Variants in FN1 observed in about 807,000 individuals in gnomAD.
The protein encoded by FN1 is fibronectin 1.
FN1 carries 106 observed loss-of-function variants against 297.3 expected under a neutral mutation model. The ratio of observed to expected loss-of-function variants is 0.36; its 90% CI spans 0.30 to 0.42. FN1 has a LOEUF of 0.42. Among genes scored for constraint, FN1 ranks in the 10% least tolerant of loss-of-function variants. The probability of loss-of-function intolerance (pLI) is 1.00; values close to 1 mark genes in which losing one functional copy is unlikely to be tolerated. For synonymous variants in FN1, 1,149 were observed against 1,152.6 expected (o/e 1.00, Z 0.06); for missense variants, 2,690 against 3,124.9 (o/e 0.86, Z 3.32).
At chr2:215,404,705 C>A in intron 19 of FN1, 50 bp from the exon 20 acceptor site, 1 of 1,539,674 alleles carries the variant, frequency 6.5e-7, no homozygotes, top group South Asian at 1.1e-5. Context: ...CAGTAATGAT[C>A]ATAACTCAAG....
intron 13 of FN1, 38 bp from the exon 14 acceptor site, chr2:215,410,152 C>CACA: frequency 6.9e-7 from 1 of 1,456,562 alleles, no homozygotes; most frequent in Non-Finnish European, 9.4e-7. Context: ...CACACACACA[C>CACA]GTGTTTACAA....
At position 215,384,197 on chromosome 2, in the gene FN1, G is replaced by C; in HGVS notation, c.4730-13C>G. ...GGGCTATTTCCTCCTGTATGAAAAA[G>C]GGTTAGTTCAGAGTGTGAGGGGTTT... On this transcript the variant is annotated splice_polypyrimidine_tract_variant and intron_variant, in intron 29 of 45. Transcript: ENST00000354785. The C allele has an allele frequency of 6.2e-7, 1 of 1,614,000 alleles. No individual in the cohort carries two copies. Among genetic ancestry groups the C allele is most frequent in the Non-Finnish European group, 8.5e-7 (1 of 1,179,912 alleles).
chr2:215,427,881 C>A (rs2065774820), intron 6 of FN1, among the ~76,000 whole-genome samples: 1 of 151,958 alleles, frequency 6.6e-6, no homozygotes, highest in South Asian at 2.1e-4. Context: ...TGTGCGTGAT[C>A]TATCCATGGT....
At chr2:215,395,962 T>C (rs1182967603) in intron 23 of FN1, among the ~76,000 whole-genome samples, 3 of 152,228 alleles carry the variant, frequency 2.0e-5, no homozygotes, top group Non-Finnish European at 2.9e-5. Flanking sequence ...TAGCTTTGGC[T>C]TAAACAATGT....
At chr2:215,383,907 G>C (rs899936713) in intron 30 of FN1, 113 bp downstream of exon 30, 2 of 1,204,434 alleles carry the variant, frequency 1.7e-6, no homozygotes, top group Non-Finnish European at 2.4e-6. Context: ...GCAGGTTGTT[G>C]CTCATTAAAA....
At chr2:215,413,339 G>A (rs1157271230) in intron 13 of FN1, among the ~76,000 whole-genome samples, 6 of 152,096 alleles carry the variant, frequency 3.9e-5, no homozygotes, top group African/African-American at 1.2e-4. Flanking sequence ...AGCTGGTCTC[G>A]AACTCCTGAC....
At chr2:215,401,254 G>A (rs1376983526) in intron 20 of FN1, among the ~76,000 whole-genome samples, 7 of 43,294 alleles carry the variant, frequency 1.6e-4, no homozygotes, top group African/African-American at 5.9e-4. Flanking sequence ...AAGAAAGGAA[G>A]AAAGAAAGGA....
Position 215,393,128 on chromosome 2 carries a change from T to C in FN1, c.3872A>G (p.Asn1291Ser), listed in dbSNP as rs1353174011. Residue 1291 changes from asparagine (N) to serine (S), a missense_variant, in exon 25 of 46, where the codon AAC (asparagine) becomes AGC (serine). Physicochemically the swap from Asn to Ser is conservative, Grantham distance 46. This residue lies in a region of FN1 where 1,743 missense variants were observed against 1,945.2 expected (regional missense o/e 0.90). Coordinates refer to ENST00000354785, the MANE Select transcript of FN1 (RefSeq NM_212482.4). ...GCGGTACCCAATAATGGTGGAAGAG[T>C]TTAGCGGGGTCCACCTCAGGCCGAT... ...SSIGLRWTPL[N>S]SSTIIGYRIT... 1 of 1,613,744 alleles carries C rather than the reference T, an allele frequency of 6.2e-7. No individual in the cohort carries two copies. The highest frequency in any genetic ancestry group is 8.5e-7 in the Non-Finnish European group (1 of 1,179,970).
At chr2:215,433,173 C>A (rs188436638) in intron 3 of FN1, 151 bp downstream of exon 3, 185 of 850,242 alleles carry the variant, frequency 2.2e-4, no homozygotes, top group Non-Finnish European at 3.4e-4. Context: ...ACACAGGAAC[C>A]AGTTGGGTGA....
At chr2:215,420,159 G>C (rs1389452018) in intron 11 of FN1, among the ~76,000 whole-genome samples, 2 of 152,086 alleles carry the variant, frequency 1.3e-5, no homozygotes, top group Non-Finnish European at 2.9e-5. Context: ...GACCCACATG[G>C]AGAAACCCCA....
At chr2:215,370,809 A>G (rs762903722) in intron 40 of FN1, among the ~76,000 whole-genome samples, 3 of 152,156 alleles carry the variant, frequency 2.0e-5, no homozygotes, top group Admixed American at 6.5e-5. Flanking sequence ...GCTATATGGG[A>G]GACACGGTCA....
chr2:215,406,789 T>G (rs139324527), intron 18 of FN1, among the ~76,000 whole-genome samples: 2 of 152,282 alleles, frequency 1.3e-5, no homozygotes, highest in East Asian at 3.9e-4. Flanking sequence ...ACTAAAAAAT[T>G]TTTTAGAAAA....
At chr2:215,364,778 TC>T (rs1414755947) in intron 44 of FN1, 100 bp downstream of exon 44, 15 of 778,438 alleles carry the variant, frequency 1.9e-5, no homozygotes, top group South Asian at 2.9e-5. Flanking sequence ...TTTTAATACT[TC>T]CGAAGGGTCT....
Position 215,425,097 on chromosome 2 carries a change from T to C in FN1, c.1033A>G (p.Thr345Ala), listed in dbSNP as rs2106449592. Residue 345 changes from threonine (T) to alanine (A), a missense_variant, in exon 7 of 46, where the codon ACA (threonine) becomes GCA (alanine). This residue lies in a region of FN1 where 876 missense variants were observed against 1,058.1 expected (regional missense o/e 0.83). Coordinates refer to ENST00000354785, the MANE Select transcript of FN1 (RefSeq NM_212482.4). ...CLGNGVSCQE[T>A]AVTQTYGGNS... The stretch of plus-strand genomic sequence containing the variant: ...TCTTCAAAAAGATAATGCATACCTG[T>C]CTCTTGGCAGCTGACTCCGTTGCCC... 1.9e-6 allele frequency: 3 copies of C among 1,614,110 alleles called. No individual in the cohort carries two copies. The highest frequency in any genetic ancestry group is 2.5e-6 in the Non-Finnish European group (3 of 1,179,930).
chr2:215,403,415 C>T lies in FN1; in HGVS notation c.3253+974G>A, dbSNP rs186819113. 4.1e-3 allele frequency among the ~76,000 whole-genome samples: 618 copies of T among 152,254 alleles called. 4 individuals are homozygous for T. The highest frequency in any genetic ancestry group is 0.01 in the Middle Eastern group (3 of 294). ...TATGGACTTTTTGAATGCTTTTTAACATCCATACTTTTAAATTAGTCGAAG... is the reference window on the plus strand; with the variant it reads ...TATGGACTTTTTGAATGCTTTTTAATATCCATACTTTTAAATTAGTCGAAG... On this transcript the variant is annotated intron_variant, in intron 20 of 45. Coordinates refer to ENST00000354785, the MANE Select transcript of FN1 (RefSeq NM_212482.4).
chr2:215,395,567 AAG>A (rs774345545), intron 23 of FN1, among the ~76,000 whole-genome samples: 8 of 151,976 alleles, frequency 5.3e-5, no homozygotes, highest in East Asian at 1.9e-4. Flanking sequence ...CAAACAAAAA[AAG>A]AGAGTATTGA....
chr2:215,413,147 CTCTGT>C (rs1344785859), intron 13 of FN1, among the ~76,000 whole-genome samples: 1 of 152,118 alleles, frequency 6.6e-6, no homozygotes, highest in Non-Finnish European at 1.5e-5. Flanking sequence ...CAGAATCTCG[CTCTGT>C]TGCCCAGGCT....
chr2:215,399,387 A>C, intron 20 of FN1, 36 bp from the exon 21 acceptor site: 24 of 1,386,130 alleles, frequency 1.7e-5, no homozygotes, highest in East Asian at 2.3e-5. Context: ...TTCAAAACTC[A>C]AACTCACAGA....
At chr2:215,412,758 A>ATTTTTTTTT (rs1267705576) in intron 13 of FN1, among the ~76,000 whole-genome samples, 1 of 51,970 alleles carries the variant, frequency 1.9e-5, no homozygotes, top group African/African-American at 7.0e-5. Context: ...TATATTAAGT[A>ATTTTTTTTT]TCTTTTTTTT....
Sources: gnomAD v4.1 joint callset for allele counts (sites outside exome capture counted in the v4.1 genomes callset) on GRCh38, gnomAD v4.1.1 for gene constraint, gnomAD v4.1.1 regional missense constraint, MANE v1.5 for transcripts, NCBI Gene and HGNC (gene_info 2026-07-23, HGNC 2026-07-21) for gene names.